TDRD9: variants seen among roughly 807,000 people sequenced by gnomAD.
TDRD9 encodes tudor domain containing 9.
In TDRD9, 124 loss-of-function variants were observed where a neutral mutation model predicts 172.6. The observed-to-expected ratio is 0.72, with a 90% CI of 0.62 to 0.83. The LOEUF (loss-of-function observed/expected upper bound fraction) is 0.83. TDRD9 is among the 40% of genes least tolerant of loss of function. The pLI is 0.00. For missense variants in TDRD9, 1,479 were observed against 1,714.1 expected (o/e 0.86, Z 2.42); for synonymous variants, 619 against 617.1 (o/e 1.00, Z -0.05).
intron 9 of TDRD9, among the ~76,000 whole-genome samples, chr14:103,993,796 C>T (rs557053009): frequency 6.6e-6 from 1 of 152,366 alleles, no homozygotes; most frequent in African/African-American, 2.4e-5. Context: ...CCAAATAACA[C>T]CACCTTCCGC....
intron 14 of TDRD9, 134 bp downstream of exon 14, chr14:104,004,469 C>G (rs2034371038): frequency 4.1e-6 from 2 of 488,888 alleles, no homozygotes; most frequent in Non-Finnish European, 7.5e-6. Flanking sequence ...CAATCTGCCT[C>G]CCGGGTTTAC....
At chr14:103,940,816 G>T in intron 1 of TDRD9, 2 of 1,533,822 alleles carry the variant, frequency 1.3e-6, no homozygotes, top group Non-Finnish European at 1.7e-6. Flanking sequence ...TTAACTAGAT[G>T]GGTGATAATA....
chr14:104,021,839 T>C (rs1038218081), intron 23 of TDRD9, among the ~76,000 whole-genome samples: 4 of 152,224 alleles, frequency 2.6e-5, no homozygotes, highest in Admixed American at 2.0e-4. Flanking sequence ...GAAAATTCTT[T>C]TGCAATTATG....
At position 104,014,580 on chromosome 14, in the gene TDRD9, C is replaced by T; in HGVS notation, c.2107-145C>T. The T allele has an allele frequency of 4.0e-6, 2 of 499,554 alleles. 1 individual carries two copies. The highest frequency in any genetic ancestry group is 5.0e-5 in the South Asian group (2 of 39,962). The allele number at this position is 499,554 out of a possible 1,614,324, so 30.9% of individuals were successfully genotyped here. A position where few individuals can be genotyped will look rare whatever the true frequency, so the allele number is the denominator to read the frequency against. ...AGAGGTGTGAGTCACCGTGCACAGC[C>T]AAAAGATGATTCTTAATTAGCTGCA... On this transcript the variant is annotated intron_variant, in intron 20 of 35. Transcript: ENST00000409874.
At chr14:103,986,083 A>C in intron 7 of TDRD9, 134 bp from the exon 8 acceptor site, 1 of 692,640 alleles carries the variant, frequency 1.4e-6, no homozygotes, top group Non-Finnish European at 2.5e-6. Context: ...ATTGCTGTCA[A>C]TAAAAACCAA....
intron 7 of TDRD9, among the ~76,000 whole-genome samples, chr14:103,983,056 CTTTTTT>C (rs397853010): frequency 2.3e-5 from 2 of 87,642 alleles, no homozygotes; most frequent in East Asian, 3.5e-4. Flanking sequence ...CTGTGGGTCA[CTTTTTT>C]TTTTTTTTTT....
intron 14 of TDRD9, 38 bp downstream of exon 14, chr14:104,004,373 A>G (rs761461276): frequency 5.5e-6 from 2 of 362,902 alleles, no homozygotes; most frequent in Admixed American, 1.1e-4. Context: ...TTATTTATTT[A>G]TTTATTTATT....
Position 103,970,561 on chromosome 14 carries a change from A to G in TDRD9, c.786A>G (p.Glu262=), listed in dbSNP as rs2032975449. The change falls in exon 6 of 36, where the codon GAA becomes GAG. Residue 262 remains glutamate, a synonymous_variant. Coordinates refer to ENST00000409874, the MANE Select transcript of TDRD9 (RefSeq NM_153046.3). ...TGTAGGTACACGAACGAACAGAAGA[A>G]ATGGATTTCCTGCTATTGGTAGTCC... The part of the protein sequence containing the change: ...IIDEVHERTE[E]MDFLLLVVRK... 1.9e-6 allele frequency: 3 copies of G among 1,551,592 alleles called. No homozygotes were observed. Among genetic ancestry groups the G allele is most frequent in the Non-Finnish European group, 2.6e-6 (3 of 1,146,968 alleles).
intron 22 of TDRD9, among the ~76,000 whole-genome samples, chr14:104,017,614 A>G (rs899663093): frequency 2.6e-5 from 4 of 152,236 alleles, no homozygotes; most frequent in African/African-American, 7.2e-5. Flanking sequence ...GCAGAAACCC[A>G]GCATGGTACC....
intron 1 of TDRD9, among the ~76,000 whole-genome samples, chr14:103,933,529 C>G (rs1052290782): frequency 2.6e-5 from 4 of 151,970 alleles, no homozygotes; most frequent in African/African-American, 9.7e-5. Flanking sequence ...CTTCTAGTTC[C>G]CTAATTTATT....
intron 8 of TDRD9, among the ~76,000 whole-genome samples, chr14:103,990,410 G>A (rs2033825044): frequency 6.6e-6 from 1 of 152,220 alleles, no homozygotes; most frequent in African/African-American, 2.4e-5. Context: ...GATTGCCACT[G>A]CATGGCTTTT....
intron 1 of TDRD9, among the ~76,000 whole-genome samples, chr14:103,930,415 G>T (rs1407113761): frequency 6.6e-6 from 1 of 152,128 alleles, no homozygotes; most frequent in Non-Finnish European, 1.5e-5. Context: ...TGACCTTGTG[G>T]TCCACCCATG....
chr14:103,937,612 G>C (rs1442682977), intron 1 of TDRD9, among the ~76,000 whole-genome samples: 1 of 152,148 alleles, frequency 6.6e-6, no homozygotes, highest in African/African-American at 2.4e-5. Context: ...TTGTGTTTTT[G>C]GCCCCTCCCC....
chr14:103,971,020 G>T (rs2032999241), intron 6 of TDRD9, among the ~76,000 whole-genome samples: 1 of 151,138 alleles, frequency 6.6e-6, no homozygotes, highest in Non-Finnish European at 1.5e-5. Flanking sequence ...GTCTAGCTCT[G>T]TCGCCCAGGC....
At chr14:103,995,839 T>C (rs2034040319) in intron 12 of TDRD9, 32 bp downstream of exon 12, 1 of 1,574,304 alleles carries the variant, frequency 6.4e-7, no homozygotes, top group Non-Finnish European at 8.6e-7. Context: ...CTCCTGGCAT[T>C]AGCTGTAGTG....
intron 5 of TDRD9, among the ~76,000 whole-genome samples, chr14:103,969,168 CTTT>C (rs147613591): frequency 7.3e-6 from 1 of 137,646 alleles, no homozygotes. Flanking sequence ...ATTCAATAAA[CTTT>C]TTTTTTTTTT....
intron 7 of TDRD9, among the ~76,000 whole-genome samples, chr14:103,985,123 CT>C (rs2033613431): frequency 6.6e-6 from 1 of 152,086 alleles, no homozygotes; most frequent in Admixed American, 6.6e-5. Flanking sequence ...GGACTATGGA[CT>C]TTTGAGTTAA....
intron 1 of TDRD9, among the ~76,000 whole-genome samples, chr14:103,954,124 A>G (rs1295442590): frequency 2.6e-5 from 4 of 152,248 alleles, no homozygotes; most frequent in Admixed American, 2.6e-4. Context: ...TATAATACAT[A>G]TCACAATTGT....
intron 1 of TDRD9, among the ~76,000 whole-genome samples, chr14:103,930,433 C>T (rs1375694587): frequency 6.6e-6 from 1 of 152,198 alleles, no homozygotes; most frequent in Non-Finnish European, 1.5e-5. Flanking sequence ...ATGTCGGCCT[C>T]CCAAAGTGCT....
Sources: allele counts gnomAD v4.1 joint callset (sites outside exome capture counted in the v4.1 genomes callset), GRCh38; gene constraint gnomAD v4.1.1; transcripts MANE v1.5; gene names NCBI Gene and HGNC (gene_info 2026-07-23, HGNC 2026-07-21).